Variants in IGFL2 observed in about 807,000 individuals in gnomAD.
IGFL2 encodes IGF like family member 2, also known as insulin growth factor-like family member 2.
In IGFL2, 7 loss-of-function variants were observed where a neutral mutation model predicts 13.9. The observed-to-expected ratio is 0.51, with a 90% CI of 0.29 to 0.95. The LOEUF (loss-of-function observed/expected upper bound fraction) is 0.95, where lower values mean the gene tolerates loss of function less well. IGFL2 is among the 40% of genes least tolerant of loss of function. IGFL2 has a pLI of 0.08. For missense variants in IGFL2, 138 were observed against 147.8 expected (o/e 0.93, Z 0.34); for synonymous variants, 55 against 55.8 (o/e 0.99, Z 0.07).
chr19:46,184,047 C>T, the IGFL2 span, among the ~76,000 whole-genome samples: 606 of 152,272 alleles, frequency 4.0e-3, 3 homozygotes, highest in African/African-American at 0.012. Flanking sequence ...TATTTCTTAA[C>T]TTTCCAGTGA....
chr19:46,122,130 A>G, the IGFL2 span, among the ~76,000 whole-genome samples: 1 of 150,744 alleles, frequency 6.6e-6, no homozygotes, highest in Admixed American at 6.6e-5. Context: ...TTCCAAGACA[A>G]TTTGGTTGAA....
chr19:46,177,101 T>TAA, the IGFL2 span, among the ~76,000 whole-genome samples: 9 of 145,510 alleles, frequency 6.2e-5, no homozygotes, highest in East Asian at 2.0e-4. Context: ...TGTCCTCTAC[T>TAA]AAAAAAAAAA....
At chr19:46,197,178 C>A in the IGFL2 span, 2 of 225,218 alleles carry the variant, frequency 8.9e-6, no homozygotes, top group South Asian at 1.4e-4. Context: ...GAGTCTGCTT[C>A]GAGAAGTGCT....
chr19:46,189,748 A>T, the IGFL2 span: 5 of 152,252 alleles, frequency 3.3e-5, no homozygotes, highest in Non-Finnish European at 5.9e-5. Context: ...TGTAGAGAGA[A>T]GATTATTATT....
the IGFL2 span, among the ~76,000 whole-genome samples, chr19:46,125,580 A>G: frequency 1.3e-5 from 2 of 152,372 alleles, no homozygotes; most frequent in Admixed American, 1.3e-4. Context: ...CAGACTTTCC[A>G]TCCTCCACTT....
At chr19:46,114,667 C>G in the IGFL2 span, among the ~76,000 whole-genome samples, 6 of 152,162 alleles carry the variant, frequency 3.9e-5, no homozygotes, top group Non-Finnish European at 7.3e-5. Flanking sequence ...AAGTGTGGCA[C>G]TTTCTCCTTC....
the IGFL2 span, among the ~76,000 whole-genome samples, chr19:46,194,852 ATTTTTTTTTTTTTT>A: frequency 1.6e-3 from 51 of 31,588 alleles, 1 homozygote; most frequent in Middle Eastern, 0.071. Context: ...ATATATATAT[ATTTTTTTTTTTTTT>A]TTTTTTTTTT....
chr19:46,137,554 G>A, the IGFL2 span: 225 of 1,018,018 alleles, frequency 2.2e-4, no homozygotes, highest in African/African-American at 3.1e-3. Context: ...CCATGGAATC[G>A]TCATCCTCCG....
chr19:46,101,029 T>C, the IGFL2 span: 1 of 152,440 alleles, frequency 6.6e-6, no homozygotes, highest in Admixed American at 6.5e-5. Context: ...TTCACCTGGG[T>C]CCCTTCTGCA....
chr19:46,100,835 T>C, the IGFL2 span, among the ~76,000 whole-genome samples: 1 of 152,256 alleles, frequency 6.6e-6, no homozygotes, highest in Non-Finnish European at 1.5e-5. Context: ...GTGTTTTTTT[T>C]CATTCATTCT....
At chr19:46,135,475 C>T in the IGFL2 span, among the ~76,000 whole-genome samples, 2 of 152,150 alleles carry the variant, frequency 1.3e-5, no homozygotes, top group Non-Finnish European at 2.9e-5. Context: ...TCCGAACCAT[C>T]CCCTTTAGTG....
the IGFL2 span, among the ~76,000 whole-genome samples, chr19:46,210,938 C>T: frequency 2.0e-5 from 3 of 152,250 alleles, no homozygotes; most frequent in Non-Finnish European, 4.4e-5. Context: ...AGGCTGGAAG[C>T]TTCACACTTT....
At chr19:46,124,216 CT>C in the IGFL2 span, 1 of 1,609,224 alleles carries the variant, frequency 6.2e-7, no homozygotes, top group African/African-American at 1.4e-5. Context: ...TTCCCAGTCT[CT>C]TTTCCCAACA....
chr19:46,209,425 C>T, the IGFL2 span: 2 of 152,216 alleles, frequency 1.3e-5, no homozygotes, highest in Non-Finnish European at 2.9e-5. Context: ...TCCCCTTAGC[C>T]CTCCCAACAT....
chr19:46,163,277 C>G (rs932882102), downstream of IGFL2, among the ~76,000 whole-genome samples: 1 of 152,120 alleles, frequency 6.6e-6, no homozygotes, highest in Admixed American at 6.5e-5. Context: ...CTGGGGTGAT[C>G]TCAGTGTTTA....
the IGFL2 span, among the ~76,000 whole-genome samples, chr19:46,168,834 C>T: frequency 6.8e-6 from 1 of 146,922 alleles, no homozygotes; most frequent in African/African-American, 2.6e-5. Context: ...GCATATCCTA[C>T]ATGCTGTAAT....
the IGFL2 span, chr19:46,119,999 G>A: frequency 2.0e-5 from 7 of 358,594 alleles, no homozygotes; most frequent in Middle Eastern, 8.6e-4. Flanking sequence ...TGAACAGCTC[G>A]GTGTGACAGC....
the IGFL2 span, chr19:46,173,919 C>A: frequency 6.6e-6 from 1 of 152,210 alleles, no homozygotes; most frequent in Admixed American, 6.5e-5. Context: ...ATTGATCTGG[C>A]AGTTGTGTTC....
chr19:46,160,370 C>G (rs748362068), intron 1 of IGFL2, 45 bp from the exon 2 acceptor site: 3 of 1,571,702 alleles, frequency 1.9e-6, no homozygotes, highest in Admixed American at 1.8e-5. Flanking sequence ...AACCTAGTGG[C>G]CACACTTCCA....
Sources: gnomAD v4.1 joint callset for allele counts (sites outside exome capture counted in the v4.1 genomes callset) on GRCh38, gnomAD v4.1.1 for gene constraint, MANE v1.5 for transcripts, NCBI Gene and HGNC (gene_info 2026-07-23, HGNC 2026-07-21) for gene names.